Variants in UPF2 observed in about 807,000 individuals in gnomAD.
UPF2 encodes UPF2 regulator of nonsense mediated mRNA decay, also known as regulator of nonsense transcripts 2.
A neutral mutation model predicts 141.4 loss-of-function variants in UPF2; 17 were observed. The ratio of observed to expected loss-of-function variants is 0.12; its 90% CI spans 0.08 to 0.18. UPF2 has a LOEUF of 0.18. UPF2 is among the 10% of genes least tolerant of loss of function. The pLI, the probability that UPF2 is intolerant of heterozygous loss-of-function variation, is 1.00. For missense variants in UPF2, 1,152 were observed against 1,515.9 expected, an observed-to-expected ratio of 0.76 and a Z score of 3.99; for synonymous variants, 540 against 498.0, an observed-to-expected ratio of 1.08 and a Z score of -1.12.
intron 8 of UPF2, among the ~76,000 whole-genome samples, chr10:11,983,067 C>T (rs1833625880): frequency 6.6e-6 from 1 of 152,194 alleles, no homozygotes; most frequent in African/African-American, 2.4e-5. Context: ...GTGCCTGGAA[C>T]ATAGGCAGGT....
intron 3 of UPF2, 98 bp downstream of exon 3, chr10:12,028,647 C>A (rs772671084): frequency 1.6e-5 from 21 of 1,307,490 alleles, no homozygotes; most frequent in Non-Finnish European, 2.2e-5. Flanking sequence ...GTAAGGAGCC[C>A]TTTTCCATAA....
chr10:11,965,789 C>A (rs1407141144), intron 10 of UPF2, among the ~76,000 whole-genome samples: 5 of 151,822 alleles, frequency 3.3e-5, no homozygotes, highest in Admixed American at 6.6e-5. Flanking sequence ...TCTAAGAAGT[C>A]ATGCATTAAA....
intron 2 of UPF2, among the ~76,000 whole-genome samples, chr10:12,032,898 G>A (rs1482130850): frequency 5.3e-5 from 8 of 152,026 alleles, no homozygotes; most frequent in Non-Finnish European, 2.9e-5. Context: ...TCAGGAGGCA[G>A]GAGGAATCAC....
chr10:11,955,522 A>G lies in UPF2; in HGVS notation c.2575-15T>C, dbSNP rs1395797531. ...GGTTGATTAACCTAAAAGGCAACAA[A>G]ACCACAGATTTTCATTAAAGAGGAG... is the stretch of plus-strand genomic sequence containing the variant. On this transcript the variant is annotated splice_polypyrimidine_tract_variant and intron_variant, in intron 13 of 21. Coordinates refer to ENST00000357604, the MANE Select transcript of UPF2 (RefSeq NM_015542.4). 4 of 1,594,802 alleles carry G rather than the reference A, an allele frequency of 2.5e-6. No homozygotes were observed. In the South Asian group the frequency reaches 3.4e-5, roughly 14 times the overall value.
intron 19 of UPF2, among the ~76,000 whole-genome samples, chr10:11,933,123 C>T (rs1832801966): frequency 1.3e-5 from 2 of 151,956 alleles, no homozygotes; most frequent in Non-Finnish European, 2.9e-5. Flanking sequence ...AATGTTTTTT[C>T]CCCTAATGAC....
intron 14 of UPF2, among the ~76,000 whole-genome samples, chr10:11,952,469 CTTTTTTTTTTTTT>C (rs869201076): frequency 1.0e-5 from 1 of 97,740 alleles, no homozygotes; most frequent in African/African-American, 4.1e-5. Context: ...TACTAAATAT[CTTTTTTTTTTTTT>C]TTTTTTTTTT....
intron 14 of UPF2, 147 bp from the exon 15 acceptor site, chr10:11,952,396 A>G: frequency 6.1e-6 from 4 of 652,028 alleles, no homozygotes; most frequent in Non-Finnish European, 9.9e-6. Flanking sequence ...AATGGTCAAC[A>G]GCAATGATCC....
chr10:12,029,000 G>C lies in UPF2; in HGVS notation c.890C>G (p.Ala297Gly). 6.2e-7 allele frequency: 1 copy of C among 1,614,156 alleles called. No homozygotes were observed. The highest frequency in any genetic ancestry group is 2.2e-5 in the East Asian group (1 of 44,890). Residue 297 changes from alanine to glycine, a missense_variant, in exon 3 of 22, where the codon GCT becomes GGT. By Grantham distance (60) the Ala-to-Gly change is moderately conservative (BLOSUM62 0). Transcript: ENST00000357604. ...IYEQLKNIIN[A>G]DRESHTHVSV... ...GACATGAGTGTGGGACTCCCGATCA[G>C]CATTAATAATATTTTTTAGCTGTTC...
At chr10:12,037,870 A>AC (rs1834660269) in intron 1 of UPF2, among the ~76,000 whole-genome samples, 2 of 152,140 alleles carry the variant, frequency 1.3e-5, no homozygotes, top group South Asian at 4.1e-4. Context: ...ACAGAAAGCA[A>AC]CCTAGACCAA....
At chr10:11,958,151 G>C (rs117478764) in intron 12 of UPF2, among the ~76,000 whole-genome samples, 8,521 of 152,142 alleles carry the variant, frequency 0.056, 320 homozygotes, top group Non-Finnish European at 0.085. Context: ...CCAGGAGTTC[G>C]AGACCAGCCT....
In UPF2 at chr10:11,979,407, T is replaced by C. The variant is rs144731072; in HGVS notation, c.1845-242A>G. Reference sequence around the variant, plus strand: ...TTACTGCACATCTGTAGTTTTATTATGTAATTTTGATGAAATATGAAACAC... The same window carrying C: ...TTACTGCACATCTGTAGTTTTATTACGTAATTTTGATGAAATATGAAACAC... On this transcript the variant is annotated intron_variant, in intron 8 of 21. Transcript: ENST00000357604. This position sits in a 1 kb window ranked among gnomAD's most constrained non-coding sequence, Gnocchi z 6.2. Among the ~76,000 whole-genome samples, 2 of 152,228 alleles carry C rather than the reference T, an allele frequency of 1.3e-5. No individual in the cohort carries two copies. The highest frequency in any genetic ancestry group is 1.9e-4 in the East Asian group (1 of 5,206).
At chr10:11,984,393 G>C (rs1833652570) in intron 8 of UPF2, among the ~76,000 whole-genome samples, 1 of 151,806 alleles carries the variant, frequency 6.6e-6, no homozygotes, top group South Asian at 2.1e-4. Context: ...ACTTTTTAAT[G>C]TTCTTTTTCT....
At chr10:11,985,647 A>G (rs1664122837) in intron 8 of UPF2, among the ~76,000 whole-genome samples, 2 of 151,320 alleles carry the variant, frequency 1.3e-5, no homozygotes, top group Non-Finnish European at 2.9e-5. Flanking sequence ...CAAACAAACA[A>G]AAAAAAAGAA....
intron 9 of UPF2, among the ~76,000 whole-genome samples, chr10:11,978,384 T>A (rs757798352): frequency 2.0e-5 from 3 of 152,206 alleles, no homozygotes; most frequent in Non-Finnish European, 4.4e-5. Flanking sequence ...TCTGGCAGTA[T>A]CATTTCCCCA....
At position 11,959,916 on chromosome 10, in the gene UPF2, A is replaced by G. The variant is rs1267829926; in HGVS notation, c.2185-560T>C. On this transcript the variant is annotated intron_variant, in intron 11 of 21. Transcript: ENST00000357604. This position sits in a 1 kb window ranked among gnomAD's most constrained non-coding sequence, Gnocchi z 5.9. ...TACTTAGCCTTACGTTTCATCCAAT[A>G]AAATACTAGAGAACTTTACTACCAA... Among the ~76,000 whole-genome samples the G allele has an allele frequency of 1.3e-5, 2 of 152,230 alleles. No homozygotes were observed. Among genetic ancestry groups the G allele is most frequent in the Admixed American group, 6.5e-5 (1 of 15,280 alleles).
At chr10:12,027,386 C>T (rs1834437136) in intron 3 of UPF2, among the ~76,000 whole-genome samples, 1 of 152,154 alleles carries the variant, frequency 6.6e-6, no homozygotes. Context: ...CAATCATTAG[C>T]ATACTATTAG....
chr10:11,954,622 A>G (rs950399205), intron 14 of UPF2, among the ~76,000 whole-genome samples: 29 of 93,252 alleles, frequency 3.1e-4, no homozygotes, highest in African/African-American at 1.1e-3. Context: ...TGACACAGCA[A>G]GACTTACTCT....
At chr10:12,013,307 C>T (rs1834163929) in intron 4 of UPF2, among the ~76,000 whole-genome samples, 1 of 143,164 alleles carries the variant, frequency 7.0e-6, no homozygotes. Flanking sequence ...GACAGGGTCT[C>T]ACTCTGTCAT....
At chr10:11,950,888 A>C (rs1310256755) in intron 15 of UPF2, among the ~76,000 whole-genome samples, 1 of 152,250 alleles carries the variant, frequency 6.6e-6, no homozygotes, top group East Asian at 1.9e-4. Context: ...CAGTAGCAGC[A>C]CTTGTAAAAC....
Sources: gnomAD v4.1 joint callset for allele counts (sites outside exome capture counted in the v4.1 genomes callset) on GRCh38, gnomAD v4.1.1 for gene constraint, Gnocchi (gnomAD v3.1) non-coding constraint, MANE v1.5 for transcripts, NCBI Gene and HGNC (gene_info 2026-07-23, HGNC 2026-07-21) for gene names.